The following NCAN variants were observed in gnomAD, a reference collection of about 807,000 sequenced individuals.
NCAN encodes neurocan core protein.
In NCAN, 47 loss-of-function variants were observed where a neutral mutation model predicts 121.8. The ratio of observed to expected loss-of-function variants is 0.39; its 90% CI spans 0.31 to 0.49. The LOEUF (loss-of-function observed/expected upper bound fraction) is 0.49. NCAN is among the 20% of genes least tolerant of loss of function. NCAN has a pLI of 0.92. For missense variants in NCAN, 1,517 were observed against 1,773.4 expected (o/e 0.86, Z 2.60); for synonymous variants, 633 against 702.0 (o/e 0.90, Z 1.55).
At position 19,251,981 on chromosome 19, in the gene NCAN, C is replaced by T. The variant is rs983371693; in HGVS notation, c.*2070C>T. 3 of 152,586 alleles carry T rather than the reference C, an allele frequency of 2.0e-5. No individual in the cohort carries two copies. The highest frequency in any genetic ancestry group is 2.1e-4 in the South Asian group (1 of 4,830). The allele number at this position is 152,586 out of a possible 1,614,324, so 9.5% of individuals were successfully genotyped here. A position where few individuals can be genotyped will look rare whatever the true frequency, so the allele number is the denominator to read the frequency against. On this transcript the variant is annotated 3_prime_UTR_variant, in exon 15 of 15. Transcript: ENST00000252575. ...TCAGCCGTTTGCCCTGCCCCCACCT[C>T]GGCTCCATGGTGGGAGGGGGCTCTG...
chr19:19,222,193 T>TAACAAC (rs745535022), intron 3 of NCAN, among the ~76,000 whole-genome samples: 1 of 151,986 alleles, frequency 6.6e-6, no homozygotes, highest in East Asian at 1.9e-4. Flanking sequence ...TGATAAAAGC[T>TAACAAC]AACAACAACA....
At chr19:19,216,766 C>G (rs1181592497) in intron 1 of NCAN, among the ~76,000 whole-genome samples, 181 bp from the exon 2 acceptor site, 1 of 152,200 alleles carries the variant, frequency 6.6e-6, no homozygotes, top group Non-Finnish European at 1.5e-5. Flanking sequence ...GTCAAGTGGC[C>G]CTGGGTTCGA....
At chr19:19,234,737 C>G (rs1489195404) in intron 9 of NCAN, among the ~76,000 whole-genome samples, 2 of 152,242 alleles carry the variant, frequency 1.3e-5, no homozygotes, top group African/African-American at 4.8e-5. Flanking sequence ...GTAGAACAGT[C>G]TGCACATCCT....
At position 19,227,178 on chromosome 19, in the gene NCAN, G is replaced by C; in HGVS notation, c.1661-103G>C. 1 of 1,490,100 alleles carries C rather than the reference G, an allele frequency of 6.7e-7. No homozygotes were observed. The highest frequency in any genetic ancestry group is 1.4e-5 in the South Asian group (1 of 72,700). 92.3% of individuals were successfully genotyped at this position (1,490,100 alleles called of 1,614,324 possible). ...ATGAGGGAGGAAGCTCCAAATCCCA[G>C]CTGGGTCCTCTGGCCCCAGAAGCCC... On this transcript the variant is annotated intron_variant, in intron 7 of 14. Coordinates refer to ENST00000252575, the MANE Select transcript of NCAN (RefSeq NM_004386.3). The surrounding 1 kb of genome is among the most constrained non-coding windows in gnomAD (Gnocchi z 4.2).
chr19:19,249,989 A>G lies in NCAN; in HGVS notation c.*78A>G. ...TCGCCTGGGGAGACAGAACCCAGAG[A>G]GAAACAAGAGAGTCCAGAAGTCCCT... On this transcript the variant is annotated 3_prime_UTR_variant, in exon 15 of 15. Transcript: ENST00000252575. 2 of 1,456,564 alleles carry G rather than the reference A, an allele frequency of 1.4e-6. No individual in the cohort carries two copies. Among genetic ancestry groups the G allele is most frequent in the East Asian group, 2.5e-5 (1 of 40,556 alleles). 90.2% of individuals were successfully genotyped at this position (1,456,564 alleles called of 1,614,324 possible). A position where few individuals can be genotyped will look rare whatever the true frequency, so the allele number is the denominator to read the frequency against.
At chr19:19,236,064 T>G (rs1304134075) in intron 10 of NCAN, among the ~76,000 whole-genome samples, 2 of 152,178 alleles carry the variant, frequency 1.3e-5, no homozygotes, top group Admixed American at 1.3e-4. Context: ...AAAGTGTACA[T>G]TTCAGTGGCA....
chr19:19,220,450 CTTTT>C (rs71170607), intron 3 of NCAN, among the ~76,000 whole-genome samples: 7 of 72,694 alleles, frequency 9.6e-5, no homozygotes, highest in African/African-American at 4.2e-4. Context: ...TTAGGCAATT[CTTTT>C]TTTTTTTTTT....
In NCAN at chr19:19,249,921, A is replaced by G. The variant is rs761903479; in HGVS notation, c.*10A>G. On this transcript the variant is annotated 3_prime_UTR_variant, in exon 15 of 15. Transcript: ENST00000252575. ...AGGGAATTTCTGCTGAAGAACCAGA[A>G]AAAAGAAAGCACAACACCTTTCCCA... 2 of 1,610,810 alleles carry G rather than the reference A, an allele frequency of 1.2e-6. No homozygotes were observed. Among genetic ancestry groups the G allele is most frequent in the South Asian group, 2.2e-5 (2 of 90,626 alleles).
At chr19:19,239,299 T>C (rs2060893355) in intron 11 of NCAN, among the ~76,000 whole-genome samples, 3 of 151,970 alleles carry the variant, frequency 2.0e-5, no homozygotes, top group African/African-American at 7.2e-5. Flanking sequence ...GGGGTGAGGA[T>C]GCACCTCCAG....
At position 19,226,946 on chromosome 19, in the gene NCAN, C is replaced by G. The variant is rs146542594; in HGVS notation, c.1533C>G (p.Pro511=). ...GGATGGAGGCCAGCGCCCAGCCCCC[C>G]ACCTCAGAGGCTGCAGTGAACCAAA... The part of the protein sequence containing the change: ...QGGMEASAQP[P]TSEAAVNQME... The change falls in exon 7 of 15, where the codon CCC becomes CCG. Residue 511 remains proline (P), a synonymous_variant. Transcript: ENST00000252575. The G allele has an allele frequency of 3.2e-6, 5 of 1,573,958 alleles. No individual in the cohort carries two copies. The highest frequency in any genetic ancestry group is 2.3e-5 in the South Asian group (2 of 85,456).
At chr19:19,244,461 A>G (rs1023754623) in intron 12 of NCAN, among the ~76,000 whole-genome samples, 1 of 151,332 alleles carries the variant, frequency 6.6e-6, no homozygotes, top group African/African-American at 2.4e-5. Flanking sequence ...GGCGCGCACC[A>G]TCATGCCCGG....
In NCAN at chr19:19,227,347, T is replaced by C; in HGVS notation, c.1727T>C (p.Ile576Thr). The change falls in exon 8 of 15, where the codon ATC becomes ACC. Residue 576 changes from isoleucine (I) to threonine (T), a missense_variant. Coordinates refer to ENST00000252575, the MANE Select transcript of NCAN (RefSeq NM_004386.3). This position sits in a 1 kb window ranked among gnomAD's most constrained non-coding sequence, Gnocchi z 4.2. Reference sequence around the variant, plus strand: ...CCCCCTACCATGGTCCCACCCAGCATCTCAGGCCACAGCAGGGCCCCTGTC... The same window carrying C: ...CCCCCTACCATGGTCCCACCCAGCACCTCAGGCCACAGCAGGGCCCCTGTC... ...LWPPTMVPPS[I>T]SGHSRAPVLE... The C allele has an allele frequency of 6.2e-7, 1 of 1,612,318 alleles. No homozygotes were observed.
chr19:19,216,546 G>A (rs1324467199), intron 1 of NCAN, among the ~76,000 whole-genome samples: 2 of 152,056 alleles, frequency 1.3e-5, no homozygotes, highest in Non-Finnish European at 2.9e-5. Context: ...CCCTGACCTC[G>A]TGATCCACCC....
In NCAN at chr19:19,228,640, G is replaced by A. The variant is rs1234228267; in HGVS notation, c.3019+1G>A. ...CCTATGAATGCAGGTGCGGAGGAGG[G>A]TGAGTACAAAGTCCCGGGGCTCTGT... On this transcript the variant is annotated splice_donor_variant, in intron 8 of 14. Transcript: ENST00000252575. LOFTEE classifies it high-confidence loss of function. 1.9e-6 allele frequency: 3 copies of A among 1,605,584 alleles called. No homozygotes were observed. The African/African-American group carries it at 4.0e-5, about 21-fold the overall frequency.
intron 2 of NCAN, among the ~76,000 whole-genome samples, chr19:19,217,332 A>C (rs907622261): frequency 1.3e-5 from 2 of 152,144 alleles, no homozygotes; most frequent in East Asian, 3.8e-4. Context: ...CCAAGGGTGG[A>C]GCGATGGAAA....
At chr19:19,244,327 G>C (rs1315476436) in intron 12 of NCAN, among the ~76,000 whole-genome samples, 1 of 51,880 alleles carries the variant, frequency 1.9e-5, no homozygotes, top group African/African-American at 1.1e-4. Flanking sequence ...TTTTTTTTTT[G>C]AGATAGAATC....
At chr19:19,223,896 C>A in intron 3 of NCAN, 125 bp from the exon 4 acceptor site, 1 of 962,950 alleles carries the variant, frequency 1.0e-6, no homozygotes, top group Non-Finnish European at 1.4e-6. Context: ...TCGACCCACA[C>A]TGTGCCTGGC....
At chr19:19,216,372 C>T (rs1247285041) in intron 1 of NCAN, among the ~76,000 whole-genome samples, 2 of 151,686 alleles carry the variant, frequency 1.3e-5, no homozygotes, top group East Asian at 3.9e-4. Flanking sequence ...AGTGCAGTGG[C>T]GTGATCTCGG....
rs1258870150 is a variant in NCAN, at chr19:19,227,318, G to A, written c.1698G>A (p.Leu566=). The change falls in exon 8 of 15, where the codon CTG becomes CTA. Residue 566 remains leucine (L), a synonymous_variant. Coordinates refer to ENST00000252575, the MANE Select transcript of NCAN (RefSeq NM_004386.3). This position sits in a 1 kb window ranked among gnomAD's most constrained non-coding sequence, Gnocchi z 4.2. The part of the protein sequence containing the change: ...AGGKSSPEPW[L]WPPTMVPPSI... ...GCAAGAGCTCCCCAGAGCCCTGGCTGTGGCCCCCTACCATGGTCCCACCCA... is the reference window on the plus strand; with the variant it reads ...GCAAGAGCTCCCCAGAGCCCTGGCTATGGCCCCCTACCATGGTCCCACCCA... 1 of 1,593,460 alleles carries A rather than the reference G, an allele frequency of 6.3e-7. No individual in the cohort carries two copies. Among genetic ancestry groups the A allele is most frequent in the Admixed American group, 1.8e-5 (1 of 56,742 alleles).
Sources: allele counts gnomAD v4.1 joint callset (sites outside exome capture counted in the v4.1 genomes callset), GRCh38; gene constraint gnomAD v4.1.1; non-coding constraint Gnocchi (gnomAD v3.1); transcripts MANE v1.5; gene names NCBI Gene and HGNC (gene_info 2026-07-23, HGNC 2026-07-21).